Variants in SCEL observed in about 807,000 individuals in gnomAD.
SCEL encodes sciellin.
SCEL carries 113 observed loss-of-function variants against 117.6 expected under a neutral mutation model. That is an observed-to-expected ratio of 0.96 (90% CI 0.83 to 1.12). SCEL has a LOEUF of 1.12. Ranked by LOEUF, SCEL falls within the 50% of genes most tolerant of loss-of-function variation. The pLI is 0.00. For missense variants in SCEL, 785 were observed against 810.8 expected (o/e 0.97, Z 0.39); for synonymous variants, 270 against 256.2 (o/e 1.05, Z -0.51).
chr13:77,547,039 A>G (rs1391353387), intron 1 of SCEL, among the ~76,000 whole-genome samples: 2 of 152,186 alleles, frequency 1.3e-5, no homozygotes, highest in African/African-American at 4.8e-5. Context: ...AGCCTGAGAA[A>G]TGTGGCTTTA....
chr13:77,573,599 C>T (rs202055924), intron 9 of SCEL, among the ~76,000 whole-genome samples: 1 of 123,382 alleles, frequency 8.1e-6, no homozygotes, highest in African/African-American at 3.4e-5. Context: ...GGTCAATAGA[C>T]ACAAAGAGCT....
intron 3 of SCEL, among the ~76,000 whole-genome samples, chr13:77,557,815 A>G (rs922968243): frequency 5.9e-5 from 9 of 152,192 alleles, no homozygotes; most frequent in Non-Finnish European, 1.2e-4. Flanking sequence ...CAAAGTGTCA[A>G]TAGTCCTGCA....
chr13:77,583,464 T>C (rs2086378807), intron 9 of SCEL, among the ~76,000 whole-genome samples: 1 of 152,220 alleles, frequency 6.6e-6, no homozygotes, highest in Non-Finnish European at 1.5e-5. Flanking sequence ...AGGCATGGAC[T>C]ACATCTTTTC....
At chr13:77,589,346 G>A (rs1011970093) in intron 10 of SCEL, 122 bp downstream of exon 10, 11 of 608,236 alleles carry the variant, frequency 1.8e-5, no homozygotes, top group African/African-American at 7.6e-5. Context: ...CTAAAGAAGC[G>A]CCTGTAGAAC....
At chr13:77,551,935 A>ATATGCG in intron 1 of SCEL, among the ~76,000 whole-genome samples, 1 of 145,628 alleles carries the variant, frequency 6.9e-6, no homozygotes, top group African/African-American at 2.5e-5. Context: ...ATGAGTGAGA[A>ATATGCG]TATGCGGTGT....
chr13:77,619,908 C>G (rs1440433476), intron 27 of SCEL, among the ~76,000 whole-genome samples: 1 of 152,056 alleles, frequency 6.6e-6, no homozygotes, highest in African/African-American at 2.4e-5. Flanking sequence ...GACAATTGTG[C>G]TTTGTTGACA....
At chr13:77,597,337 T>C (rs1439172175) in intron 12 of SCEL, among the ~76,000 whole-genome samples, 1 of 151,904 alleles carries the variant, frequency 6.6e-6, no homozygotes, top group East Asian at 1.9e-4. Flanking sequence ...GCTCCAAAAA[T>C]GTAGAGGACT....
At chr13:77,565,832 A>G (rs180720434) in intron 5 of SCEL, among the ~76,000 whole-genome samples, 15 of 152,292 alleles carry the variant, frequency 9.8e-5, no homozygotes, top group East Asian at 3.9e-4. Flanking sequence ...GGTTATAACT[A>G]ATTTGGAAAA....
chr13:77,640,981 G>A (rs555876278), intron 31 of SCEL, among the ~76,000 whole-genome samples, 197 bp downstream of exon 31: 72 of 152,188 alleles, frequency 4.7e-4, no homozygotes, highest in Middle Eastern at 3.4e-3. Context: ...CTTGGCTTTA[G>A]GCTTACAGTT....
At chr13:77,545,072 C>T (rs1593870137) in intron 1 of SCEL, among the ~76,000 whole-genome samples, 1 of 152,318 alleles carries the variant, frequency 6.6e-6, no homozygotes, top group East Asian at 1.9e-4. Context: ...GGTTTTTCTA[C>T]TTCCCAGCAT....
At chr13:77,536,877 G>A (rs1316325544) in intron 1 of SCEL, among the ~76,000 whole-genome samples, 1 of 152,170 alleles carries the variant, frequency 6.6e-6, no homozygotes. Flanking sequence ...ATTTCCCAAA[G>A]GTTTACAGAA....
intron 28 of SCEL, among the ~76,000 whole-genome samples, chr13:77,628,876 G>A (rs1422075098): frequency 6.6e-6 from 1 of 151,976 alleles, no homozygotes; most frequent in Non-Finnish European, 1.5e-5. Context: ...TCTTCCTTCT[G>A]TTTGTGACCT....
intron 9 of SCEL, among the ~76,000 whole-genome samples, chr13:77,587,198 G>A (rs1567383146): frequency 6.6e-6 from 1 of 152,000 alleles, no homozygotes; most frequent in African/African-American, 2.4e-5. Context: ...CTCACTCTGA[G>A]TCAATGAACG....
At chr13:77,568,237 A>C in intron 6 of SCEL, 58 bp from the exon 7 acceptor site, 1 of 1,086,966 alleles carries the variant, frequency 9.2e-7, no homozygotes, top group Non-Finnish European at 1.4e-6. Context: ...ATAATTCCAA[A>C]TAGATGCAAA....
intron 10 of SCEL, among the ~76,000 whole-genome samples, chr13:77,590,564 T>G (rs2086810240): frequency 6.6e-6 from 1 of 152,062 alleles, no homozygotes; most frequent in African/African-American, 2.4e-5. Flanking sequence ...AAAATCAGCA[T>G]CACTAGAGCT....
At chr13:77,540,404 C>T (rs765884903) in intron 1 of SCEL, among the ~76,000 whole-genome samples, 3 of 152,070 alleles carry the variant, frequency 2.0e-5, no homozygotes, top group Admixed American at 6.5e-5. Context: ...CAGCCATACA[C>T]ACAGTCTTAG....
At chr13:77,542,422 C>A (rs1773053584) in intron 1 of SCEL, among the ~76,000 whole-genome samples, 1 of 151,874 alleles carries the variant, frequency 6.6e-6, no homozygotes, top group African/African-American at 2.4e-5. Context: ...AACAAACAAA[C>A]CCCAGAATCA....
chr13:77,610,107 G>A lies in SCEL; in HGVS notation c.1337+1G>A, dbSNP rs779371104. 8.1e-6 allele frequency: 13 copies of A among 1,603,920 alleles called. No homozygotes were observed. The South Asian group carries it at 1.3e-4, about 16-fold the overall frequency. On this transcript the variant is annotated splice_donor_variant, in intron 22 of 32. Transcript: ENST00000349847. LOFTEE classifies it high-confidence loss of function. ...CTGAAAGAAACAGAACTAACCAAGG[G>A]TAAGGTTTATGGAACTCTCTATTTC...
intron 21 of SCEL, 133 bp downstream of exon 21, chr13:77,609,250 C>T: frequency 1.4e-6 from 1 of 693,298 alleles, no homozygotes; most frequent in Non-Finnish European, 2.3e-6. Context: ...TGCTACCTCA[C>T]ATCTGAAATG....
Sources: allele counts gnomAD v4.1 joint callset (sites outside exome capture counted in the v4.1 genomes callset), GRCh38; gene constraint gnomAD v4.1.1; transcripts MANE v1.5; gene names NCBI Gene and HGNC (gene_info 2026-07-23, HGNC 2026-07-21).